Variants in SYNE2 observed in about 807,000 individuals in gnomAD.
SYNE2 encodes the protein nesprin-2.
Under a neutral mutation model 856.3 loss-of-function variants are expected in SYNE2, and 431 were observed. The observed-to-expected ratio is 0.50, with a 90% CI of 0.47 to 0.55. SYNE2 has a LOEUF of 0.55. Ranked by LOEUF, SYNE2 falls within the 20% of genes least tolerant of loss-of-function variation. The pLI, the probability that SYNE2 is intolerant of heterozygous loss-of-function variation, is 0.00. For synonymous variants in SYNE2, 2,923 were observed against 2,872.3 expected (o/e 1.02, Z -0.56); for missense variants, 8,129 against 8,023.2 (o/e 1.01, Z -0.50).
chr14:64,141,514 A>G lies in SYNE2; in HGVS notation c.15150A>G (p.Lys5050=). 6.2e-7 allele frequency: 1 copy of G among 1,613,922 alleles called. No homozygotes were observed. Among genetic ancestry groups the G allele is most frequent in the Non-Finnish European group, 8.5e-7 (1 of 1,179,920 alleles). The change falls in exon 81 of 116, where the codon AAA becomes AAG. Residue 5050 remains lysine, a synonymous_variant. Coordinates refer to ENST00000555002, the MANE Select transcript of SYNE2 (RefSeq NM_182914.3). ...CTCAACTTCCAGATATTCAAGAAAA[A>G]CTTCACCAGGTAAGTCTTTAGAGCC... ...LITQLPDIQE[K]LHQLQMEKLP... is the part of the protein sequence containing the mutation.
Position 64,129,755 on chromosome 14 carries a change from T to C in SYNE2, c.14020-27T>C. ...ACTTCTCTGACTTACTGAAGGGTTT[T>C]CTTTTCTTGTATTGTCTCTCACTTA... On this transcript the variant is annotated intron_variant, in intron 74 of 115. Transcript: ENST00000555002. 5 of 1,613,848 alleles carry C rather than the reference T, an allele frequency of 3.1e-6. 1 individual carries two copies. In the Middle Eastern group the frequency reaches 6.9e-4, roughly 221 times the overall value.
chr14:64,162,224 T>C lies in SYNE2; in HGVS notation c.16247T>C (p.Met5416Thr). 1.2e-6 allele frequency: 2 copies of C among 1,614,228 alleles called. No individual in the cohort carries two copies. Among genetic ancestry groups the C allele is most frequent in the South Asian group, 1.1e-5 (1 of 91,092 alleles). ...AKFQQLANISMSGNNLAEILP... is the reference protein window; with the variant it reads ...AKFQQLANISTSGNNLAEILP... ...TTTCAACAGCTCGCAAACATCAGCA[T>C]GTCTGGAAACAACCTGGCAGAGATC... The change falls in exon 88 of 116, where the codon ATG (methionine) becomes ACG (threonine). Residue 5416 changes from methionine (M) to threonine (T), a missense_variant. Physicochemically the swap from Met to Thr is moderately conservative, Grantham distance 81 (BLOSUM62 -1). Around this residue, in one of 3 missense-constraint regions of SYNE2, gnomAD observed 5,410 missense variants for 5,284.8 expected, o/e 1.02. Transcript: ENST00000555002.
intron 1 of SYNE2, among the ~76,000 whole-genome samples, chr14:63,899,174 A>G (rs1037658664): frequency 4.0e-5 from 6 of 151,520 alleles, no homozygotes; most frequent in African/African-American, 1.5e-4. Context: ...TGTGAATGTC[A>G]GGTTTTTTAG....
chr14:64,105,477 A>G (rs2153646764), intron 64 of SYNE2, among the ~76,000 whole-genome samples: 1 of 152,326 alleles, frequency 6.6e-6, no homozygotes, highest in South Asian at 2.1e-4. Flanking sequence ...TATATATGTC[A>G]CTTAATTGCA....
At chr14:64,081,301 A>G in intron 56 of SYNE2, 142 bp from the exon 57 acceptor site, 1 of 955,720 alleles carries the variant, frequency 1.0e-6, no homozygotes, top group Non-Finnish European at 1.7e-6. Flanking sequence ...AGAGCAGGTG[A>G]ATAAGTAGCC....
chr14:63,986,319 C>T, intron 18 of SYNE2, 137 bp from the exon 19 acceptor site: 3 of 918,920 alleles, frequency 3.3e-6, no homozygotes, highest in Non-Finnish European at 5.0e-6. Context: ...AGACTGGTCA[C>T]AAACTCCTAG....
At chr14:64,085,027 A>G (rs1039937216) in intron 57 of SYNE2, 2 of 702,226 alleles carry the variant, frequency 2.8e-6, no homozygotes, top group Non-Finnish European at 5.2e-6. Flanking sequence ...CTCAGCATAA[A>G]CAATCTCCAA....
intron 80 of SYNE2, 116 bp downstream of exon 80, chr14:64,140,189 T>A: frequency 1.0e-6 from 1 of 964,988 alleles, no homozygotes; most frequent in Non-Finnish European, 1.6e-6. Context: ...GGGTAAGACT[T>A]GGGCGAATGG....
upstream of SYNE2, among the ~76,000 whole-genome samples, chr14:63,850,979 AGC>A (rs1316849854): frequency 6.6e-6 from 1 of 152,226 alleles, no homozygotes; most frequent in Admixed American, 6.5e-5. Flanking sequence ...CTTTGTATAC[AGC>A]TCCACAAATC....
chr14:64,049,434 A>ATAATAG (rs2097208629), intron 46 of SYNE2, among the ~76,000 whole-genome samples, 177 bp from the exon 47 acceptor site: 1 of 147,646 alleles, frequency 6.8e-6, no homozygotes, highest in African/African-American at 2.5e-5. Context: ...TGACAAAATA[A>ATAATAG]TAATAATAAT....
intron 1 of SYNE2, among the ~76,000 whole-genome samples, chr14:63,780,732 C>A (rs911880903): frequency 6.6e-6 from 1 of 152,052 alleles, no homozygotes; most frequent in Non-Finnish European, 1.5e-5. Flanking sequence ...ACTACTGAAG[C>A]CTACATCAAC....
intron 1 of SYNE2, among the ~76,000 whole-genome samples, chr14:63,777,629 T>C (rs1160870667): frequency 6.6e-6 from 1 of 152,210 alleles, no homozygotes; most frequent in Non-Finnish European, 1.5e-5. Flanking sequence ...AGTTCTGTAA[T>C]AGTGGAGTAG....
intron 73 of SYNE2, 44 bp downstream of exon 73, chr14:64,126,851 T>A (rs778407932): frequency 1.9e-6 from 3 of 1,590,102 alleles, no homozygotes. Flanking sequence ...TGTTTTAAGT[T>A]ACAGCATGAA....
chr14:63,857,710 A>G (rs1892220401), intron 1 of SYNE2, among the ~76,000 whole-genome samples: 1 of 152,116 alleles, frequency 6.6e-6, no homozygotes, highest in Admixed American at 6.6e-5. Flanking sequence ...CCTGATGACT[A>G]ATGATGTTGA....
chr14:63,802,309 G>A (rs1011642960), intron 1 of SYNE2, among the ~76,000 whole-genome samples: 6 of 151,110 alleles, frequency 4.0e-5, no homozygotes, highest in African/African-American at 1.5e-4. Context: ...GTTTCACTAT[G>A]TTGGCCAGGC....
At chr14:64,038,334 C>A (rs1260854102) in intron 45 of SYNE2, among the ~76,000 whole-genome samples, 1 of 152,058 alleles carries the variant, frequency 6.6e-6, no homozygotes, top group Non-Finnish European at 1.5e-5. Context: ...GGCGGCCGGG[C>A]AGAGACGCTC....
intron 99 of SYNE2, among the ~76,000 whole-genome samples, chr14:64,197,411 C>T (rs2139827328): frequency 6.6e-6 from 1 of 152,318 alleles, no homozygotes; most frequent in South Asian, 2.1e-4. Context: ...TGTAATGCCT[C>T]TGCCCCTAAA....
At chr14:64,036,946 A>G (rs532506222) in intron 45 of SYNE2, among the ~76,000 whole-genome samples, 1 of 152,202 alleles carries the variant, frequency 6.6e-6, no homozygotes, top group Non-Finnish European at 1.5e-5. Flanking sequence ...ATGAGAATCT[A>G]ATTACAGGAA....
intron 1 of SYNE2, among the ~76,000 whole-genome samples, chr14:63,827,625 C>CAAAAAAAAAAAAAAAA (rs11334415): frequency 2.1e-4 from 6 of 28,404 alleles, no homozygotes; most frequent in Non-Finnish European, 3.1e-4. Flanking sequence ...AACTCTGTCT[C>CAAAAAAAAAAAAAAAA]AAAAAAAAAA....
Sources: allele counts gnomAD v4.1 joint callset (sites outside exome capture counted in the v4.1 genomes callset), GRCh38; gene constraint gnomAD v4.1.1; regional missense constraint gnomAD v4.1.1; transcripts MANE v1.5; gene names NCBI Gene and HGNC (gene_info 2026-07-23, HGNC 2026-07-21).